SPAG9: variants seen among roughly 807,000 people sequenced by gnomAD.
The protein encoded by SPAG9 is sperm associated antigen 9.
A neutral mutation model predicts 166.5 loss-of-function variants in SPAG9; 35 were observed. The observed-to-expected ratio is 0.21, with a 90% CI of 0.16 to 0.28. The LOEUF is 0.28. Ranked by LOEUF, SPAG9 falls within the 10% of genes least tolerant of loss-of-function variation. The pLI, the probability that SPAG9 is intolerant of heterozygous loss-of-function variation, is 1.00. For missense variants in SPAG9, 1,235 were observed against 1,603.3 expected, an observed-to-expected ratio of 0.77 and a Z score of 3.92; for synonymous variants, 534 against 565.5, an observed-to-expected ratio of 0.94 and a Z score of 0.79.
intron 5 of SPAG9, among the ~76,000 whole-genome samples, chr17:51,037,590 G>A (rs2046638789): frequency 1.4e-5 from 2 of 148,056 alleles, no homozygotes; most frequent in Non-Finnish European, 3.0e-5. Context: ...TCCAGCCTGG[G>A]GGACAAAGCT....
chr17:51,053,582 G>A (rs2047239891), intron 3 of SPAG9, among the ~76,000 whole-genome samples: 1 of 151,698 alleles, frequency 6.6e-6, no homozygotes, highest in African/African-American at 2.4e-5. Context: ...CTACTCAGGA[G>A]GCTGAGGCAG....
Position 50,974,772 on chromosome 17 carries a change from T to C in SPAG9, c.3699A>G (p.Pro1233=), listed in dbSNP as rs1363463103. The C allele has an allele frequency of 6.3e-7, 1 of 1,596,172 alleles. No homozygotes were observed. The highest frequency in any genetic ancestry group is 8.5e-7 in the Non-Finnish European group (1 of 1,174,760). ...RDAVKFFVAV[P]GQVISPQSSS... ...TCTCAACAGAATAATCTAACATACC[T>C]GGGACTGCCACAAAGAATTTCACAG... is the stretch of plus-strand genomic sequence containing the variant. Residue 1233 remains proline, a splice_region_variant and synonymous_variant, in exon 28 of 30, where the codon CCA becomes CCG. Coordinates refer to ENST00000262013, the MANE Select transcript of SPAG9 (RefSeq NM_001130528.3).
chr17:51,099,644 TG>T (rs1281539828), intron 1 of SPAG9, among the ~76,000 whole-genome samples: 1 of 151,304 alleles, frequency 6.6e-6, no homozygotes, highest in Admixed American at 6.6e-5. Context: ...TATGTGCTTC[TG>T]TAGGTATATG....
At position 51,021,190 on chromosome 17, in the gene SPAG9, T is replaced by C; in HGVS notation, c.959A>G (p.Gln320Arg). Residue 320 changes from glutamine to arginine, a missense_variant, in exon 7 of 30, where the codon CAG becomes CGG. Gln to Arg is a conservative substitution (Grantham distance 43). This residue lies in a region of SPAG9 where 288 missense variants were observed against 323.7 expected (regional missense o/e 0.89). Coordinates refer to ENST00000262013, the MANE Select transcript of SPAG9 (RefSeq NM_001130528.3). ...TACATTTCTAGTTTCCTGGGCTACC[T>C]GTACTTCAATGTGTTTGCTTATCTC... ...KSEISKHIEV[Q>R]VAQETRNVST... 6.2e-7 allele frequency: 1 copy of C among 1,614,088 alleles called. No individual in the cohort carries two copies. The highest frequency in any genetic ancestry group is 8.5e-7 in the Non-Finnish European group (1 of 1,179,972).
At chr17:51,114,096 C>CA (rs1192673445) in intron 1 of SPAG9, among the ~76,000 whole-genome samples, 1 of 152,026 alleles carries the variant, frequency 6.6e-6, no homozygotes, top group African/African-American at 2.4e-5. Context: ...GAGGCCGAGG[C>CA]AGGGGGATCA....
chr17:50,965,062 ATTTT>A lies in SPAG9; in HGVS notation c.*1206_*1209del, dbSNP rs894636231. ...AGGCGTGAGCCACCATGCCCAACCT[ATTTT>A]TTTTTTTTAATGGGCATTGTGAATG... On this transcript the variant is annotated 3_prime_UTR_variant, in exon 30 of 30. Transcript: ENST00000262013. The A allele has an allele frequency of 7.0e-6, 1 of 142,986 alleles. No individual in the cohort carries two copies. The highest frequency in any genetic ancestry group is 2.6e-5 in the African/African-American group (1 of 38,894). The allele number at this position is 142,986 out of a possible 1,614,324, so 8.9% of individuals were successfully genotyped here.
At chr17:51,063,044 C>G (rs1343401536) in intron 2 of SPAG9, among the ~76,000 whole-genome samples, 1 of 152,160 alleles carries the variant, frequency 6.6e-6, no homozygotes, top group African/African-American at 2.4e-5. Context: ...CTTTCACACA[C>G]AAAATTTCAT....
chr17:51,043,087 A>T (rs1598070466), intron 4 of SPAG9, among the ~76,000 whole-genome samples: 1 of 152,138 alleles, frequency 6.6e-6, no homozygotes, highest in Non-Finnish European at 1.5e-5. Context: ...ACAAGGTTTC[A>T]CCATGTTGGC....
chr17:50,973,431 C>T (rs1449344642), intron 28 of SPAG9, among the ~76,000 whole-genome samples: 7 of 151,934 alleles, frequency 4.6e-5, no homozygotes. Flanking sequence ...AAGGAAATGA[C>T]TATACAAATA....
chr17:51,108,144 T>G, intron 1 of SPAG9, among the ~76,000 whole-genome samples: 1 of 151,214 alleles, frequency 6.6e-6, no homozygotes, highest in East Asian at 1.9e-4. Context: ...CCCAGCATTT[T>G]GGGAGGCTGA....
intron 1 of SPAG9, among the ~76,000 whole-genome samples, chr17:51,112,671 C>CAAAAAAA (rs1206604151): frequency 1.7e-4 from 7 of 41,404 alleles, no homozygotes; most frequent in African/African-American, 3.7e-4. Context: ...TCTGTCTCAA[C>CAAAAAAA]AAAAAAAAAA....
intron 6 of SPAG9, among the ~76,000 whole-genome samples, chr17:51,025,018 C>CAAA (rs578089840): frequency 8.0e-6 from 1 of 125,064 alleles, no homozygotes; most frequent in Non-Finnish European, 1.7e-5. Flanking sequence ...GACTTCATCT[C>CAAA]AAAAAAAAAA....
At chr17:51,023,266 T>C (rs915951065) in intron 6 of SPAG9, 1 of 148,196 alleles carries the variant, frequency 6.7e-6, no homozygotes, top group African/African-American at 2.5e-5. Flanking sequence ...ACTATTAGTA[T>C]AATTATAATA....
intron 1 of SPAG9, among the ~76,000 whole-genome samples, chr17:51,081,632 T>C (rs2048167199): frequency 6.7e-6 from 1 of 149,180 alleles, no homozygotes; most frequent in Non-Finnish European, 1.5e-5. Context: ...ATCCCAGCTA[T>C]TTGGGAGGCT....
chr17:51,048,172 A>T (rs2041319), intron 3 of SPAG9, among the ~76,000 whole-genome samples: 85,031 of 151,770 alleles, frequency 0.56, 24,540 homozygotes, highest in African/African-American at 0.65. Flanking sequence ...AAGCTGAATA[A>T]GAAAGTAAAA....
At chr17:51,016,906 A>C (rs1283481841) in intron 8 of SPAG9, among the ~76,000 whole-genome samples, 4 of 152,250 alleles carry the variant, frequency 2.6e-5, no homozygotes, top group African/African-American at 9.6e-5. Flanking sequence ...GTCTCGGAGG[A>C]GGGAAAAAAA....
intron 28 of SPAG9, among the ~76,000 whole-genome samples, chr17:50,971,627 C>T (rs1039218081): frequency 6.6e-6 from 1 of 151,762 alleles, no homozygotes; most frequent in Non-Finnish European, 1.5e-5. Context: ...GCCACCATGC[C>T]CGGCTAACTT....
chr17:51,061,576 C>CTCTAG (rs2047516472), intron 2 of SPAG9, among the ~76,000 whole-genome samples: 1 of 121,138 alleles, frequency 8.3e-6, no homozygotes, highest in Admixed American at 1.1e-4. Context: ...CAACATTGCA[C>CTCTAG]TCTAGTCTGG....
intron 23 of SPAG9, among the ~76,000 whole-genome samples, 199 bp downstream of exon 23, chr17:50,985,499 A>C (rs2143768468): frequency 6.6e-6 from 1 of 152,332 alleles, no homozygotes; most frequent in Admixed American, 6.5e-5. Context: ...CAATCAAGCA[A>C]GTTATCCTTT....
Sources: allele counts gnomAD v4.1 joint callset (sites outside exome capture counted in the v4.1 genomes callset), GRCh38; gene constraint gnomAD v4.1.1; regional missense constraint gnomAD v4.1.1; transcripts MANE v1.5; gene names NCBI Gene and HGNC (gene_info 2026-07-23, HGNC 2026-07-21).